The following TBC1D32 variants were observed in gnomAD, a reference collection of about 807,000 sequenced individuals.
The protein encoded by TBC1D32 is protein broad-minded.
In TBC1D32, 151 loss-of-function variants were observed where a neutral mutation model predicts 170.3. The ratio of observed to expected loss-of-function variants is 0.89; its 90% CI spans 0.78 to 1.01. TBC1D32 has a LOEUF of 1.01. Ranked by LOEUF, TBC1D32 falls within the 50% of genes least tolerant of loss-of-function variation. The pLI is 0.00. For synonymous variants in TBC1D32, 498 were observed against 488.0 expected, an observed-to-expected ratio of 1.02 and a Z score of -0.27; for missense variants, 1,464 against 1,457.1, an observed-to-expected ratio of 1.00 and a Z score of -0.08.
chr6:121,115,263 G>C (rs41292570), intron 26 of TBC1D32, 22 bp from the exon 27 acceptor site: 24,320 of 1,537,708 alleles, frequency 0.016, 242 homozygotes, highest in Middle Eastern at 0.028. Context: ...AGAAAACTGA[G>C]TTATAAAGTG....
At chr6:121,235,307 T>C (rs559241283) in intron 20 of TBC1D32, among the ~76,000 whole-genome samples, 18 of 152,082 alleles carry the variant, frequency 1.2e-4, no homozygotes, top group African/African-American at 4.3e-4. Context: ...GGCCATAGAG[T>C]TCCAAAGAGA....
At chr6:121,113,033 G>T in intron 28 of TBC1D32, 29 bp downstream of exon 28, 1 of 1,488,762 alleles carries the variant, frequency 6.7e-7, no homozygotes, top group Non-Finnish European at 9.2e-7. Context: ...AAAAAATTAA[G>T]CTATTGTGAA....
At chr6:121,311,557 G>C (rs60013326) in intron 3 of TBC1D32, among the ~76,000 whole-genome samples, 7,696 of 151,962 alleles carry the variant, frequency 0.051, 370 homozygotes, top group African/African-American at 0.12. Context: ...GTGAAACCCT[G>C]TCTCTACTAA....
At chr6:121,203,214 T>C (rs1172545982) in intron 22 of TBC1D32, among the ~76,000 whole-genome samples, 1 of 151,278 alleles carries the variant, frequency 6.6e-6, no homozygotes, top group African/African-American at 2.5e-5. Flanking sequence ...TAATAGAAAT[T>C]AGTAGAAAAA....
chr6:121,279,477 C>G (rs1171823150), intron 14 of TBC1D32, among the ~76,000 whole-genome samples: 1 of 151,758 alleles, frequency 6.6e-6, no homozygotes, highest in Admixed American at 6.6e-5. Flanking sequence ...TTTTTTCACC[C>G]AAACTATTGA....
At chr6:121,243,745 A>AAT (rs1797266600) in intron 17 of TBC1D32, among the ~76,000 whole-genome samples, 5 of 151,974 alleles carry the variant, frequency 3.3e-5, no homozygotes, top group Admixed American at 2.0e-4. Flanking sequence ...CTCTAAAAAG[A>AAT]ATATATATAA....
intron 22 of TBC1D32, among the ~76,000 whole-genome samples, chr6:121,186,461 T>G (rs1304781065): frequency 6.6e-6 from 1 of 151,878 alleles, no homozygotes. Flanking sequence ...ATAGATAATA[T>G]ATAGCATCCT....
chr6:121,250,323 T>C (rs1406586052), intron 17 of TBC1D32, among the ~76,000 whole-genome samples: 2 of 152,084 alleles, frequency 1.3e-5, no homozygotes, highest in Non-Finnish European at 2.9e-5. Flanking sequence ...TGAACATGGA[T>C]GTGAAAATCC....
chr6:121,085,272 T>TATACATA (rs1776095970), intron 31 of TBC1D32, among the ~76,000 whole-genome samples: 1 of 142,444 alleles, frequency 7.0e-6, no homozygotes, highest in African/African-American at 2.8e-5. Flanking sequence ...TATATACATA[T>TATACATA]ATACGTATAT....
intron 20 of TBC1D32, among the ~76,000 whole-genome samples, chr6:121,232,598 A>G (rs1795885156): frequency 6.6e-6 from 1 of 152,118 alleles, no homozygotes; most frequent in African/African-American, 2.4e-5. Context: ...GATTTCTTTC[A>G]GCAGTGTTTT....
At chr6:121,103,935 T>G (rs1235870409) in intron 30 of TBC1D32, among the ~76,000 whole-genome samples, 1 of 151,884 alleles carries the variant, frequency 6.6e-6, no homozygotes, top group Non-Finnish European at 1.5e-5. Flanking sequence ...ACTTAAAAAA[T>G]TTTGTGATTT....
chr6:121,159,873 T>C (rs966537799), intron 24 of TBC1D32, 137 bp downstream of exon 24: 2 of 557,134 alleles, frequency 3.6e-6, no homozygotes, highest in African/African-American at 1.9e-5. Flanking sequence ...AGGAAAAAAA[T>C]ACAAAGAAAT....
intron 29 of TBC1D32, among the ~76,000 whole-genome samples, chr6:121,108,076 A>G (rs1174555099): frequency 6.6e-6 from 1 of 152,094 alleles, no homozygotes; most frequent in Non-Finnish European, 1.5e-5. Context: ...AAGAAAATAC[A>G]CTAATGATTG....
intron 24 of TBC1D32, among the ~76,000 whole-genome samples, chr6:121,158,083 A>C (rs1290980484): frequency 6.6e-6 from 1 of 152,072 alleles, no homozygotes; most frequent in Non-Finnish European, 1.5e-5. Context: ...ATGGACTTCA[A>C]ATGTTTTCCA....
At chr6:121,274,086 G>A (rs1056803999) in intron 15 of TBC1D32, among the ~76,000 whole-genome samples, 12 of 152,232 alleles carry the variant, frequency 7.9e-5, no homozygotes, top group Middle Eastern at 3.4e-3. Flanking sequence ...TGTAATCCCA[G>A]CACTTTAGTA....
chr6:121,325,652 A>T (rs1810359494), intron 1 of TBC1D32, among the ~76,000 whole-genome samples: 4 of 152,246 alleles, frequency 2.6e-5, no homozygotes, highest in Non-Finnish European at 5.9e-5. Context: ...TAAACGTAAG[A>T]CCTAAAACCA....
chr6:121,192,040 T>C (rs1277388809), intron 22 of TBC1D32, among the ~76,000 whole-genome samples: 3 of 77,090 alleles, frequency 3.9e-5, no homozygotes, highest in African/African-American at 5.8e-5. Flanking sequence ...TGTGATCATG[T>C]AAGTTAATAC....
intron 26 of TBC1D32, among the ~76,000 whole-genome samples, chr6:121,119,167 T>C (rs1582846398): frequency 6.6e-6 from 1 of 152,166 alleles, no homozygotes; most frequent in East Asian, 1.9e-4. Context: ...AATTACCAAA[T>C]TCAAATAGCA....
intron 26 of TBC1D32, among the ~76,000 whole-genome samples, chr6:121,117,364 C>T (rs985694680): frequency 3.9e-5 from 6 of 152,032 alleles, no homozygotes; most frequent in Non-Finnish European, 7.4e-5. Flanking sequence ...TTCCCCAAAG[C>T]AGCAATGAAG....
Sources: gnomAD v4.1 joint callset for allele counts (sites outside exome capture counted in the v4.1 genomes callset) on GRCh38, gnomAD v4.1.1 for gene constraint, MANE v1.5 for transcripts, NCBI Gene and HGNC (gene_info 2026-07-23, HGNC 2026-07-21) for gene names.